DIP2C: variants seen among roughly 807,000 people sequenced by gnomAD.
The protein encoded by DIP2C is DIP2 acetate--CoA ligase C (putative).
A neutral mutation model predicts 192.4 loss-of-function variants in DIP2C; 33 were observed. The observed-to-expected ratio is 0.17, with a 90% CI of 0.13 to 0.23. DIP2C has a LOEUF of 0.23. Among genes scored for constraint, DIP2C ranks in the 10% least tolerant of loss-of-function variants. The pLI, the probability that DIP2C is intolerant of heterozygous loss-of-function variation, is 1.00. For missense variants in DIP2C, 1,537 were observed against 2,110.1 expected, an observed-to-expected ratio of 0.73 and a Z score of 5.32; for synonymous variants, 979 against 864.1, an observed-to-expected ratio of 1.13 and a Z score of -2.33.
chr10:487,930 T>G (rs181568671), intron 1 of DIP2C, among the ~76,000 whole-genome samples: 10 of 152,288 alleles, frequency 6.6e-5, no homozygotes, highest in African/African-American at 2.2e-4. Flanking sequence ...TGCAGAAATG[T>G]TAAAGCTTGC....
At chr10:433,948 T>G (rs1270303619) in intron 4 of DIP2C, among the ~76,000 whole-genome samples, 2 of 152,198 alleles carry the variant, frequency 1.3e-5, no homozygotes, top group African/African-American at 4.8e-5. Flanking sequence ...CTATTTTCTT[T>G]CCTTTCTTAT....
intron 2 of DIP2C, chr10:484,661 TG>T: frequency 1.0e-5 from 14 of 1,372,352 alleles, no homozygotes; most frequent in Admixed American, 5.3e-5. Context: ...CACTGGAGAA[TG>T]GGACCCTCAG....
chr10:589,387 C>T (rs1456657161), intron 1 of DIP2C, among the ~76,000 whole-genome samples: 1 of 152,160 alleles, frequency 6.6e-6, no homozygotes, highest in East Asian at 1.9e-4. Flanking sequence ...GTTATCATGG[C>T]TAAGAGCTCT....
intron 31 of DIP2C, among the ~76,000 whole-genome samples, chr10:320,485 A>G (rs1352858317): frequency 6.7e-6 from 1 of 149,852 alleles, no homozygotes; most frequent in Non-Finnish European, 1.5e-5. Context: ...TCCAGCCTGG[A>G]TGACAAGAGC....
chr10:583,131 G>A (rs184228209), intron 1 of DIP2C, among the ~76,000 whole-genome samples: 1 of 152,314 alleles, frequency 6.6e-6, no homozygotes, highest in African/African-American at 2.4e-5. Context: ...AGAAATGCAT[G>A]AGCATATCTC....
At chr10:461,725 T>C (rs1039438554) in intron 3 of DIP2C, among the ~76,000 whole-genome samples, 2 of 152,186 alleles carry the variant, frequency 1.3e-5, no homozygotes, top group Non-Finnish European at 1.5e-5. Flanking sequence ...ATCAATAGGA[T>C]ATACCTTCTT....
At chr10:577,905 A>G (rs1441184174) in intron 1 of DIP2C, among the ~76,000 whole-genome samples, 1 of 152,080 alleles carries the variant, frequency 6.6e-6, no homozygotes, top group Non-Finnish European at 1.5e-5. Flanking sequence ...TCTCCATGGT[A>G]GAACCTGGAA....
intron 24 of DIP2C, among the ~76,000 whole-genome samples, chr10:349,684 G>A (rs1958697359): frequency 6.6e-6 from 1 of 152,190 alleles, no homozygotes; most frequent in Admixed American, 6.5e-5. Flanking sequence ...TAGGTAAGCA[G>A]TGCAGACCAA....
chr10:415,785 A>G lies in DIP2C; in HGVS notation c.843T>C (p.Phe281=). The change falls in exon 7 of 37, where the codon TTT becomes TTC. Residue 281 remains phenylalanine (F), a synonymous_variant. Transcript: ENST00000280886. The part of the protein sequence containing the change: ...PPLREFFVDD[F]EELLEVQQPD... ...TTCTCTCACCTTCTAATAATTCTTC[A>G]AAGTCATCGACAAAGAATTCTCGTA... is the stretch of plus-strand genomic sequence containing the variant. 2 of 1,614,084 alleles carry G rather than the reference A, an allele frequency of 1.2e-6. No individual in the cohort carries two copies. Among genetic ancestry groups the G allele is most frequent in the Non-Finnish European group, 8.5e-7 (1 of 1,179,988 alleles).
intron 3 of DIP2C, among the ~76,000 whole-genome samples, chr10:463,005 T>G (rs1589850020): frequency 6.6e-6 from 1 of 152,172 alleles, no homozygotes; most frequent in Admixed American, 6.6e-5. Flanking sequence ...TAGATATTGA[T>G]GGAACACATC....
intron 26 of DIP2C, 71 bp from the exon 27 acceptor site, chr10:345,181 C>G: frequency 3.0e-6 from 4 of 1,355,760 alleles, no homozygotes; most frequent in African/African-American, 2.9e-5. Flanking sequence ...TCACACGGGT[C>G]TCCTGCTTAC....
intron 31 of DIP2C, among the ~76,000 whole-genome samples, chr10:323,355 CGA>C (rs1181983335): frequency 1.5e-4 from 6 of 39,942 alleles, no homozygotes; most frequent in African/African-American, 6.0e-4. Context: ...GGGGCTCCAG[CGA>C]GAGACCGGCG....
At chr10:309,514 A>T (rs767744244) in intron 32 of DIP2C, among the ~76,000 whole-genome samples, 1 of 151,522 alleles carries the variant, frequency 6.6e-6, no homozygotes, top group African/African-American at 2.4e-5. Context: ...AGCTCTGGCC[A>T]TACTCCTGCT....
At chr10:513,991 C>G (rs1178428784) in intron 1 of DIP2C, among the ~76,000 whole-genome samples, 1 of 152,194 alleles carries the variant, frequency 6.6e-6, no homozygotes, top group Non-Finnish European at 1.5e-5. Flanking sequence ...TGGCAATGTA[C>G]AAATTCAGAT....
At chr10:286,742 G>A (rs570475230) in intron 33 of DIP2C, among the ~76,000 whole-genome samples, 2 of 152,310 alleles carry the variant, frequency 1.3e-5, no homozygotes, top group Non-Finnish European at 2.9e-5. Flanking sequence ...TTTCAATGAA[G>A]TTATTTAAGA....
intron 1 of DIP2C, among the ~76,000 whole-genome samples, chr10:563,472 T>G (rs1849317129): frequency 6.6e-6 from 1 of 152,212 alleles, no homozygotes; most frequent in Non-Finnish European, 1.5e-5. Flanking sequence ...AAATCAGTAT[T>G]CATGCAATGG....
chr10:534,533 T>G (rs1417206946), intron 1 of DIP2C, among the ~76,000 whole-genome samples: 1 of 152,164 alleles, frequency 6.6e-6, no homozygotes, highest in East Asian at 1.9e-4. Flanking sequence ...TGATTGACAA[T>G]ATTTCAATTA....
At chr10:335,780 T>G (rs1250937043) in intron 29 of DIP2C, among the ~76,000 whole-genome samples, 1 of 152,244 alleles carries the variant, frequency 6.6e-6, no homozygotes, top group East Asian at 1.9e-4. Context: ...TCTCTTTCCT[T>G]TAACTATTTC....
At chr10:681,707 AC>A (rs1831141287) in intron 1 of DIP2C, among the ~76,000 whole-genome samples, 1 of 152,218 alleles carries the variant, frequency 6.6e-6, no homozygotes, top group Admixed American at 6.5e-5. Context: ...GGGAATGCAG[AC>A]CCCAGTCTCT....
Sources: allele counts gnomAD v4.1 joint callset (sites outside exome capture counted in the v4.1 genomes callset), GRCh38; gene constraint gnomAD v4.1.1; transcripts MANE v1.5; gene names NCBI Gene and HGNC (gene_info 2026-07-23, HGNC 2026-07-21).